TAFA1: variants seen among roughly 807,000 people sequenced by gnomAD.
The protein encoded by TAFA1 is chemokine-like protein TAFA-1.
A neutral mutation model predicts 18.5 loss-of-function variants in TAFA1; 4 were observed. The ratio of observed to expected loss-of-function variants is 0.22; its 90% confidence interval spans 0.11 to 0.49. The LOEUF (loss-of-function observed/expected upper bound fraction) is 0.49, where lower values mean the gene tolerates loss of function less well. Among genes scored for constraint, TAFA1 ranks in the 20% least tolerant of loss-of-function variants. The pLI, the probability that TAFA1 is intolerant of heterozygous loss-of-function variation, is 0.98. For missense variants in TAFA1, 147 were observed against 169.0 expected (o/e 0.87, Z 0.72); for synonymous variants, 56 against 55.2 (o/e 1.01, Z -0.06).
At chr3:68,277,951 C>T (rs1201706306) in intron 2 of TAFA1, among the ~76,000 whole-genome samples, 1 of 152,122 alleles carries the variant, frequency 6.6e-6, no homozygotes, top group Non-Finnish European at 1.5e-5. Flanking sequence ...ACAAAACTGT[C>T]CCATCGTAAC....
chr3:68,351,761 C>G (rs1056066375), intron 2 of TAFA1, among the ~76,000 whole-genome samples: 4 of 151,892 alleles, frequency 2.6e-5, no homozygotes, highest in Admixed American at 2.6e-4. Flanking sequence ...GGTATCATCT[C>G]CAGGCTGATG....
chr3:68,181,075 C>T (rs2066191893), intron 2 of TAFA1, among the ~76,000 whole-genome samples: 1 of 152,110 alleles, frequency 6.6e-6, no homozygotes, highest in Admixed American at 6.6e-5. Context: ...AAACCTTGGG[C>T]CCTTGGTCCA....
intron 1 of TAFA1, among the ~76,000 whole-genome samples, chr3:68,005,238 T>C (rs1704337360): frequency 6.6e-6 from 1 of 152,232 alleles, no homozygotes; most frequent in Admixed American, 6.5e-5. Flanking sequence ...ATCCCAATAG[T>C]TCTGAAAACA....
At chr3:68,213,546 C>T (rs2066619826) in intron 2 of TAFA1, among the ~76,000 whole-genome samples, 1 of 152,110 alleles carries the variant, frequency 6.6e-6, no homozygotes, top group African/African-American at 2.4e-5. Flanking sequence ...TTCCCCCAAG[C>T]TCCCTGTGGA....
intron 2 of TAFA1, among the ~76,000 whole-genome samples, chr3:68,180,012 T>TTTTTTATTATTA (rs1553649124): frequency 2.1e-4 from 29 of 140,318 alleles, no homozygotes; most frequent in African/African-American, 6.9e-4. Flanking sequence ...AACACATAAT[T>TTTTTTATTATTA]TTATTATTAT....
chr3:68,515,296 G>C (rs181299509), intron 3 of TAFA1, among the ~76,000 whole-genome samples: 2 of 152,268 alleles, frequency 1.3e-5, no homozygotes, highest in East Asian at 3.9e-4. Context: ...ACATTCATTT[G>C]TTCAAGCAAG....
chr3:68,463,607 TC>T (rs1027422718), intron 3 of TAFA1, among the ~76,000 whole-genome samples: 1 of 152,154 alleles, frequency 6.6e-6, no homozygotes, highest in Non-Finnish European at 1.5e-5. Flanking sequence ...TGAATCTTGA[TC>T]CATGTCCTGT....
the TAFA1 span, among the ~76,000 whole-genome samples, chr3:67,996,938 T>C: frequency 1.3e-5 from 2 of 152,132 alleles, no homozygotes; most frequent in African/African-American, 4.8e-5. Flanking sequence ...GAACAATAGA[T>C]GCTACAGCAA....
At chr3:68,293,087 T>C (rs2068140683) in intron 2 of TAFA1, among the ~76,000 whole-genome samples, 1 of 152,126 alleles carries the variant, frequency 6.6e-6, no homozygotes, top group Non-Finnish European at 1.5e-5. Context: ...TACAACCTTC[T>C]AGCTGAAAAG....
Position 68,394,924 on chromosome 3 carries a change from G to T in TAFA1, c.119-22356G>T, listed in dbSNP as rs548779463. On this transcript the variant is annotated intron_variant, in intron 2 of 4. Coordinates refer to ENST00000478136, the MANE Select transcript of TAFA1 (RefSeq NM_213609.4). The stretch of plus-strand genomic sequence containing the variant: ...TCATGACTAAACACCAAAAGCAATT[G>T]CAACAAAAGCCACAATTGACAAATG... 5.8e-4 allele frequency among the ~76,000 whole-genome samples: 89 copies of T among 152,244 alleles called. 2 individuals carry two copies. The highest frequency in any genetic ancestry group is 2.1e-3 in the African/African-American group (88 of 41,562).
At chr3:68,097,817 C>A (rs1218049962) in intron 2 of TAFA1, among the ~76,000 whole-genome samples, 2 of 152,132 alleles carry the variant, frequency 1.3e-5, no homozygotes, top group South Asian at 2.1e-4. Context: ...CAGTGCTGGA[C>A]TGATTTCCTG....
intron 3 of TAFA1, among the ~76,000 whole-genome samples, chr3:68,447,419 G>C (rs1185511809): frequency 6.6e-6 from 1 of 152,146 alleles, no homozygotes; most frequent in Non-Finnish European, 1.5e-5. Context: ...AAATTTGCTA[G>C]ATTTGATAAC....
intron 2 of TAFA1, among the ~76,000 whole-genome samples, chr3:68,154,571 A>T (rs546817210): frequency 1.3e-5 from 2 of 152,310 alleles, no homozygotes; most frequent in Non-Finnish European, 2.9e-5. Context: ...CTTGAGGCTT[A>T]TGTGTCTCTC....
chr3:68,540,116 A>C (rs2073348176), intron 4 of TAFA1, among the ~76,000 whole-genome samples: 1 of 152,174 alleles, frequency 6.6e-6, no homozygotes, highest in Non-Finnish European at 1.5e-5. Context: ...TTTGTGATGC[A>C]GAAGACAAAA....
At chr3:68,291,645 C>T (rs981690617) in intron 2 of TAFA1, among the ~76,000 whole-genome samples, 7 of 151,602 alleles carry the variant, frequency 4.6e-5, no homozygotes, top group Non-Finnish European at 1.0e-4. Context: ...ACGATCCACA[C>T]GTTAAGGTAG....
chr3:68,015,178 A>G (rs1053913309), intron 2 of TAFA1, among the ~76,000 whole-genome samples: 30 of 152,108 alleles, frequency 2.0e-4, no homozygotes, highest in African/African-American at 6.0e-4. Flanking sequence ...GCTAAATGGT[A>G]TTACTGGGGC....
At chr3:68,331,378 A>C (rs1873597) in intron 2 of TAFA1, among the ~76,000 whole-genome samples, 3,197 of 152,280 alleles carry the variant, frequency 0.021, 104 homozygotes, top group African/African-American at 0.066. Flanking sequence ...ATGGTTTTGC[A>C]TCACTGTGAA....
intron 2 of TAFA1, among the ~76,000 whole-genome samples, chr3:68,149,257 A>G (rs747152469): frequency 2.6e-5 from 4 of 152,230 alleles, no homozygotes; most frequent in Admixed American, 6.6e-5. Context: ...ATTAATCTTA[A>G]TTAACTAAAG....
At chr3:68,309,313 C>A (rs2068476537) in intron 2 of TAFA1, among the ~76,000 whole-genome samples, 1 of 152,000 alleles carries the variant, frequency 6.6e-6, no homozygotes, top group Non-Finnish European at 1.5e-5. Flanking sequence ...ATAATATGCC[C>A]AAAGATATCT....
Sources: allele counts gnomAD v4.1 joint callset (sites outside exome capture counted in the v4.1 genomes callset), GRCh38; gene constraint gnomAD v4.1.1; transcripts MANE v1.5; gene names NCBI Gene and HGNC (gene_info 2026-07-23, HGNC 2026-07-21).